NRXN1: variants seen among roughly 807,000 people sequenced by gnomAD.
The protein encoded by NRXN1 is neurexin-1.
A neutral mutation model predicts 150.9 loss-of-function variants in NRXN1; 39 were observed. That is an observed-to-expected ratio of 0.26 (90% confidence interval 0.20 to 0.34). The LOEUF is 0.34. Among genes scored for constraint, NRXN1 ranks in the 10% least tolerant of loss-of-function variants. The pLI, the probability that NRXN1 is intolerant of heterozygous loss-of-function variation, is 1.00. For synonymous variants in NRXN1, 924 were observed against 757.0 expected (o/e 1.22, Z -3.62); for missense variants, 1,815 against 1,949.9 (o/e 0.93, Z 1.30).
At chr2:50,024,536 G>T (rs561506942) in intron 21 of NRXN1, among the ~76,000 whole-genome samples, 1 of 152,184 alleles carries the variant, frequency 6.6e-6, no homozygotes, top group South Asian at 2.1e-4. Flanking sequence ...ATCAATTATG[G>T]CTGTGGCTAA....
intron 5 of NRXN1, chr2:50,918,625 C>A (rs1263490944): frequency 2.7e-6 from 1 of 371,846 alleles, no homozygotes; most frequent in Non-Finnish European, 4.8e-6. Context: ...TCATTCATTT[C>A]TGATAAGCCA....
chr2:50,430,066 G>A (rs1019750364), intron 17 of NRXN1, among the ~76,000 whole-genome samples: 1 of 152,018 alleles, frequency 6.6e-6, no homozygotes, highest in Non-Finnish European at 1.5e-5. Flanking sequence ...ATTTGAGAGT[G>A]GGAGAAAAAA....
At chr2:50,385,556 A>T (rs2081278759) in intron 17 of NRXN1, among the ~76,000 whole-genome samples, 1 of 152,204 alleles carries the variant, frequency 6.6e-6, no homozygotes, top group South Asian at 2.1e-4. Context: ...CAGTGGGTAA[A>T]CCAGGAGTGG....
intron 2 of NRXN1, among the ~76,000 whole-genome samples, chr2:51,026,822 G>A (rs180807119): frequency 4.9e-4 from 75 of 152,260 alleles, no homozygotes; most frequent in South Asian, 2.9e-3. Context: ...CACAAATGTT[G>A]GACTTGGATA....
intron 18 of NRXN1, among the ~76,000 whole-genome samples, chr2:50,194,767 G>A (rs866096241): frequency 1.3e-5 from 2 of 152,110 alleles, no homozygotes. Flanking sequence ...ATGAATTAGA[G>A]ATTCACTTAA....
chr2:49,974,710 A>C (rs186439100), intron 21 of NRXN1, among the ~76,000 whole-genome samples: 1 of 150,786 alleles, frequency 6.6e-6, no homozygotes, highest in Admixed American at 6.6e-5. Flanking sequence ...TTATGGGATG[A>C]GTTTGTAAAG....
At chr2:51,030,635 A>T (rs1671377250) in intron 1 of NRXN1, among the ~76,000 whole-genome samples, 1 of 151,900 alleles carries the variant, frequency 6.6e-6, no homozygotes, top group South Asian at 2.1e-4. Context: ...TCAGTTGCTT[A>T]TTTATTATGG....
intron 5 of NRXN1, among the ~76,000 whole-genome samples, chr2:50,725,445 T>C (rs1258235388): frequency 6.6e-6 from 1 of 151,978 alleles, no homozygotes; most frequent in East Asian, 1.9e-4. Flanking sequence ...GCAAAGTTCA[T>C]GAGAAAAATC....
chr2:50,452,497 G>T (rs1049675595), intron 17 of NRXN1, among the ~76,000 whole-genome samples: 6 of 152,098 alleles, frequency 3.9e-5, no homozygotes, highest in African/African-American at 1.2e-4. Flanking sequence ...CCACATACTG[G>T]GATTACAGCC....
chr2:51,013,093 A>G (rs573540173), intron 2 of NRXN1, among the ~76,000 whole-genome samples: 1 of 152,148 alleles, frequency 6.6e-6, no homozygotes, highest in East Asian at 1.9e-4. Flanking sequence ...TGGTGGAGGT[A>G]GAGTCAGTAC....
intron 19 of NRXN1, among the ~76,000 whole-genome samples, chr2:50,083,537 A>G (rs1217774969): frequency 6.6e-6 from 1 of 152,226 alleles, no homozygotes; most frequent in African/African-American, 2.4e-5. Context: ...AAGAGTGAGC[A>G]GCAGCAAGAT....
chr2:50,571,559 C>A (rs1223030991), intron 8 of NRXN1, among the ~76,000 whole-genome samples: 1 of 152,026 alleles, frequency 6.6e-6, no homozygotes, highest in Non-Finnish European at 1.5e-5. Context: ...GTGTGTAGTT[C>A]TGTTCAGTTT....
chr2:50,518,737 A>T (rs553633884), intron 12 of NRXN1, among the ~76,000 whole-genome samples: 12 of 151,964 alleles, frequency 7.9e-5, no homozygotes, highest in Non-Finnish European at 1.3e-4. Context: ...AGAAGGATGT[A>T]CATTTTTTCA....
At chr2:50,296,542 T>C (rs953885692) in intron 17 of NRXN1, among the ~76,000 whole-genome samples, 1 of 151,266 alleles carries the variant, frequency 6.6e-6, no homozygotes, top group African/African-American at 2.4e-5. Context: ...ATTATCATTA[T>C]TATTATTACT....
chr2:50,775,567 AC>A (rs1271338163), intron 5 of NRXN1, among the ~76,000 whole-genome samples: 1 of 152,184 alleles, frequency 6.6e-6, no homozygotes, highest in Non-Finnish European at 1.5e-5. Flanking sequence ...CAGATAACAA[AC>A]AAAACTATAA....
At chr2:50,413,245 C>G (rs1284876264) in intron 17 of NRXN1, among the ~76,000 whole-genome samples, 1 of 152,164 alleles carries the variant, frequency 6.6e-6, no homozygotes, top group Non-Finnish European at 1.5e-5. Context: ...AGAAAATAAT[C>G]TAATGATCCA....
chr2:50,617,667 G>A (rs994016468), intron 8 of NRXN1, among the ~76,000 whole-genome samples: 6 of 152,130 alleles, frequency 3.9e-5, no homozygotes, highest in African/African-American at 1.4e-4. Flanking sequence ...AGTGACAACA[G>A]CACAAGTGAA....
chr2:50,363,791 T>G (rs149709253), intron 17 of NRXN1, among the ~76,000 whole-genome samples: 65 of 152,268 alleles, frequency 4.3e-4, no homozygotes, highest in African/African-American at 1.3e-3. Flanking sequence ...CATATGCACA[T>G]TTATGTTTAT....
At chr2:50,918,544 G>A (rs1015681104) in intron 5 of NRXN1, 12 of 372,028 alleles carry the variant, frequency 3.2e-5, no homozygotes, top group Non-Finnish European at 5.3e-5. Context: ...TTGTGCTCCT[G>A]AGCTATTAAC....
Sources: gnomAD v4.1 joint callset for allele counts (sites outside exome capture counted in the v4.1 genomes callset) on GRCh38, gnomAD v4.1.1 for gene constraint, MANE v1.5 for transcripts, NCBI Gene and HGNC (gene_info 2026-07-23, HGNC 2026-07-21) for gene names.